The following CTBP2 variants were observed in gnomAD, a reference collection of about 807,000 sequenced individuals.
The protein encoded by CTBP2 is C-terminal-binding protein 2.
CTBP2 carries 30 observed loss-of-function variants against 80.3 expected under a neutral mutation model. The ratio of observed to expected loss-of-function variants is 0.37; its 90% CI spans 0.28 to 0.51. The LOEUF is 0.51. CTBP2 is among the 20% of genes least tolerant of loss of function. The pLI, the probability that CTBP2 is intolerant of heterozygous loss-of-function variation, is 0.93. For missense variants in CTBP2, 1,212 were observed against 1,375.3 expected (o/e 0.88, Z 1.88); for synonymous variants, 594 against 587.4 (o/e 1.01, Z -0.16).
At chr10:125,004,146 C>G (rs888523766) in intron 1 of CTBP2, among the ~76,000 whole-genome samples, 4 of 152,222 alleles carry the variant, frequency 2.6e-5, no homozygotes, top group African/African-American at 9.7e-5. Flanking sequence ...GCTGTGAGGA[C>G]AGAGGGGCAG....
At chr10:124,992,972 C>T (rs555366446) in intron 7 of CTBP2, among the ~76,000 whole-genome samples, 160 bp from the exon 10 acceptor site, 1 of 152,160 alleles carries the variant, frequency 6.6e-6, no homozygotes, top group African/African-American at 2.4e-5. Flanking sequence ...CCTTCAGCCT[C>T]TGTGTGCCCC....
intron 2 of CTBP2, among the ~76,000 whole-genome samples, chr10:125,099,437 G>A (rs903577723): frequency 6.6e-6 from 1 of 152,134 alleles, no homozygotes; most frequent in Non-Finnish European, 1.5e-5. Flanking sequence ...CCTGACCAGA[G>A]AAGGCCTGGG....
At chr10:125,161,730 G>T (rs1043371406), upstream of CTBP2, among the ~76,000 whole-genome samples, 8 of 152,038 alleles carry the variant, frequency 5.3e-5, no homozygotes, top group African/African-American at 7.2e-5. Context: ...AAAAAAAAAG[G>T]TTCCCTCTTG....
intron 1 of CTBP2, among the ~76,000 whole-genome samples, chr10:125,144,533 A>AT (rs1858402339): frequency 6.6e-6 from 1 of 152,250 alleles, no homozygotes; most frequent in African/African-American, 2.4e-5. Context: ...CCCGATCAAG[A>AT]TAAAAAGGAT....
chr10:125,124,049 C>G (rs917762477), intron 1 of CTBP2, among the ~76,000 whole-genome samples: 5 of 152,224 alleles, frequency 3.3e-5, no homozygotes, highest in Admixed American at 2.6e-4. Context: ...AAGACTGTCC[C>G]CAGCTGACAT....
chr10:125,023,058 GC>G (rs1957211717), intron 1 of CTBP2, among the ~76,000 whole-genome samples: 1 of 152,326 alleles, frequency 6.6e-6, no homozygotes, highest in African/African-American at 2.4e-5. Context: ...AGAGTGACCA[GC>G]TCTGGTGACA....
intron 3 of CTBP2, 189 bp from the exon 6 acceptor site, chr10:124,998,359 G>A (rs958672084): frequency 1.6e-6 from 1 of 634,116 alleles, no homozygotes; most frequent in Non-Finnish European, 2.7e-6. Context: ...GGAAGCTCTA[G>A]CCCCAACATC....
chr10:125,037,044 G>C (rs1485769321), intron 3 of CTBP2, among the ~76,000 whole-genome samples: 2 of 152,212 alleles, frequency 1.3e-5, no homozygotes, highest in African/African-American at 4.8e-5. Context: ...TGGCCTGTCT[G>C]CGTTGATAGT....
intron 7 of CTBP2, 33 bp downstream of exon 9, chr10:124,993,169 C>CCA: frequency 6.3e-7 from 1 of 1,578,616 alleles, no homozygotes. Flanking sequence ...GCTGAGGCTG[C>CCA]CCTTGGCAGG....
At position 125,156,700 on chromosome 10, in the gene CTBP2, GT is replaced by G. The variant is rs1461383685; in HGVS notation, c.-206+3618del. ...TATATATTCATCATTTCTTTGCCTT[GT>G]AGCTGGCTACTCAGAAACTAAAAAG... On this transcript the variant is annotated intron_variant, in intron 1 of 10. Transcript: ENST00000337195. Among the ~76,000 whole-genome samples the G allele has an allele frequency of 3.3e-5, 5 of 152,206 alleles. No homozygotes were observed. The East Asian group carries it at 7.7e-4, about 24-fold the overall frequency.
intron 2 of CTBP2, among the ~76,000 whole-genome samples, chr10:125,076,726 G>GA (rs1312120016): frequency 6.6e-6 from 1 of 152,226 alleles, no homozygotes; most frequent in Non-Finnish European, 1.5e-5. Context: ...AAGGCAGAGA[G>GA]AAAAACAGAA....
intron 2 of CTBP2, among the ~76,000 whole-genome samples, chr10:125,053,505 C>G (rs1345501182): frequency 6.6e-6 from 1 of 152,196 alleles, no homozygotes; most frequent in Non-Finnish European, 1.5e-5. Context: ...AGGGAGGACA[C>G]CCAGGGATGA....
At chr10:125,005,354 G>A (rs1026514000) in intron 1 of CTBP2, among the ~76,000 whole-genome samples, 10 of 152,094 alleles carry the variant, frequency 6.6e-5, no homozygotes, top group African/African-American at 2.2e-4. Context: ...AGCCCTGAGC[G>A]GCAGCTGCAC....
chr10:124,994,281 C>G, intron 5 of CTBP2, among the ~76,000 whole-genome samples, 188 bp downstream of exon 7: 1 of 152,220 alleles, frequency 6.6e-6, no homozygotes, highest in East Asian at 1.9e-4. Flanking sequence ...CTGTCCTTCT[C>G]TGCTTAGCCT....
upstream of CTBP2, among the ~76,000 whole-genome samples, chr10:125,032,255 G>A (rs748324578): frequency 3.9e-5 from 6 of 152,132 alleles, no homozygotes; most frequent in Non-Finnish European, 8.8e-5. Flanking sequence ...AAGACGCTCC[G>A]CACAGTAGGT....
At chr10:125,151,972 G>A (rs1488696671) in intron 1 of CTBP2, among the ~76,000 whole-genome samples, 1 of 152,174 alleles carries the variant, frequency 6.6e-6, no homozygotes, top group Non-Finnish European at 1.5e-5. Flanking sequence ...CCCGCGGCGG[G>A]AAGCGGCTCC....
intron 1 of CTBP2, among the ~76,000 whole-genome samples, chr10:125,118,276 C>T (rs954472430): frequency 6.6e-6 from 1 of 152,218 alleles, no homozygotes; most frequent in Non-Finnish European, 1.5e-5. Flanking sequence ...ACTTGAAGCC[C>T]TTGCGGCATT....
chr10:125,157,832 C>T (rs900279925), intron 1 of CTBP2, among the ~76,000 whole-genome samples: 5 of 152,154 alleles, frequency 3.3e-5, no homozygotes, highest in Non-Finnish European at 2.9e-5. Flanking sequence ...AGAAAGAGGG[C>T]CTGTTTTTTT....
At chr10:125,160,278 G>GGGC (rs899854188) in intron 1 of CTBP2, 41 bp downstream of exon 1, 3 of 151,930 alleles carry the variant, frequency 2.0e-5, no homozygotes, top group African/African-American at 7.3e-5. Flanking sequence ...GGTGAGGCGG[G>GGGC]GGCGGCGGCG....
Sources: gnomAD v4.1 joint callset for allele counts (sites outside exome capture counted in the v4.1 genomes callset) on GRCh38, gnomAD v4.1.1 for gene constraint, MANE v1.5 for transcripts, NCBI Gene and HGNC (gene_info 2026-07-23, HGNC 2026-07-21) for gene names.